The following PTPRD variants were observed in gnomAD, a reference collection of about 807,000 sequenced individuals.
PTPRD encodes receptor-type tyrosine-protein phosphatase delta.
Under a neutral mutation model 214.5 loss-of-function variants are expected in PTPRD, and 34 were observed. The ratio of observed to expected loss-of-function variants is 0.16; its 90% CI spans 0.12 to 0.21. The LOEUF (loss-of-function observed/expected upper bound fraction) is 0.21. PTPRD is among the 10% of genes least tolerant of loss of function. The pLI, the probability that PTPRD is intolerant of heterozygous loss-of-function variation, is 1.00. For missense variants in PTPRD, 2,545 were observed against 2,398.7 expected, an observed-to-expected ratio of 1.06 and a Z score of -1.27; for synonymous variants, 1,128 against 845.7, an observed-to-expected ratio of 1.33 and a Z score of -5.79.
chr9:8,423,263 T>G (rs961653534), intron 35 of PTPRD, among the ~76,000 whole-genome samples: 1 of 152,316 alleles, frequency 6.6e-6, no homozygotes, highest in African/African-American at 2.4e-5. Flanking sequence ...CCTGACATAC[T>G]GTTCATTTTA....
intron 2 of PTPRD, among the ~76,000 whole-genome samples, chr9:10,571,397 C>G (rs1413353053): frequency 6.6e-6 from 1 of 151,944 alleles, no homozygotes; most frequent in Non-Finnish European, 1.5e-5. Flanking sequence ...AGGATAATAC[C>G]TTTATTTCAT....
At chr9:8,454,716 C>G in intron 33 of PTPRD, 2 of 1,011,840 alleles carry the variant, frequency 2.0e-6, no homozygotes, top group Non-Finnish European at 3.0e-6. Flanking sequence ...GGACACATAA[C>G]TGACATACAT....
chr9:8,391,674 C>T (rs767290680), intron 36 of PTPRD, among the ~76,000 whole-genome samples: 2 of 152,134 alleles, frequency 1.3e-5, no homozygotes, highest in Non-Finnish European at 2.9e-5. Flanking sequence ...GGGCCTCACT[C>T]AGCTGCCAAT....
intron 7 of PTPRD, among the ~76,000 whole-genome samples, chr9:9,715,566 T>C (rs1263984506): frequency 6.6e-6 from 1 of 152,142 alleles, no homozygotes; most frequent in Non-Finnish European, 1.5e-5. Context: ...CCTGTTCCAG[T>C]AAAACTGAAA....
At chr9:8,559,321 T>G (rs924275782) in intron 14 of PTPRD, among the ~76,000 whole-genome samples, 1 of 152,212 alleles carries the variant, frequency 6.6e-6, no homozygotes. Flanking sequence ...TATCCTAATT[T>G]TATTGTACAT....
In PTPRD at chr9:9,774,671, A is replaced by G. The variant is rs1010612021; in HGVS notation, c.-367-7820T>C. ...AGCTCTTTAGTTTGAAGGATCCATT[A>G]TACTTTTAAATGTGATGTAGGCATT... On this transcript the variant is annotated intron_variant, in intron 5 of 45. Transcript: ENST00000381196. 3.9e-5 allele frequency among the ~76,000 whole-genome samples: 6 copies of G among 152,218 alleles called. No homozygotes were observed. In the South Asian group the frequency reaches 6.2e-4, roughly 16 times the overall value.
chr9:8,536,631 C>T (rs1343167451), intron 14 of PTPRD, among the ~76,000 whole-genome samples: 1 of 151,940 alleles, frequency 6.6e-6, no homozygotes, highest in African/African-American at 2.4e-5. Flanking sequence ...TAGTACTGTG[C>T]CTATACCTTT....
intron 6 of PTPRD, among the ~76,000 whole-genome samples, chr9:9,740,829 C>T (rs2098390052): frequency 1.3e-5 from 2 of 152,144 alleles, no homozygotes; most frequent in African/African-American, 2.4e-5. Flanking sequence ...GCTACCAGCT[C>T]TTCCAAGGAA....
chr9:9,753,327 A>G (rs968041225), intron 6 of PTPRD, among the ~76,000 whole-genome samples: 1 of 151,992 alleles, frequency 6.6e-6, no homozygotes, highest in African/African-American at 2.4e-5. Context: ...CCTCTGGACA[A>G]CATATCAATT....
intron 31 of PTPRD, among the ~76,000 whole-genome samples, chr9:8,467,319 G>A (rs973049384): frequency 1.1e-4 from 16 of 151,812 alleles, no homozygotes; most frequent in Non-Finnish European, 1.9e-4. Context: ...CAGAAAGGTA[G>A]CACTATCTTT....
chr9:10,271,104 C>G (rs577498566), intron 3 of PTPRD, among the ~76,000 whole-genome samples: 68 of 152,180 alleles, frequency 4.5e-4, no homozygotes, highest in African/African-American at 1.6e-3. Flanking sequence ...AATTACAGAC[C>G]TGAACCATGG....
intron 3 of PTPRD, among the ~76,000 whole-genome samples, chr9:10,266,630 A>G (rs529796577): frequency 6.6e-6 from 1 of 152,182 alleles, no homozygotes; most frequent in African/African-American, 2.4e-5. Flanking sequence ...TGGAAAGTGG[A>G]TAGGAGAGAA....
chr9:8,356,542 T>A (rs192750581), intron 39 of PTPRD, among the ~76,000 whole-genome samples: 1 of 152,196 alleles, frequency 6.6e-6, no homozygotes, highest in Non-Finnish European at 1.5e-5. Flanking sequence ...TCAAAATACA[T>A]TGCAGGTACA....
chr9:9,561,554 C>T (rs1245153432), intron 8 of PTPRD, among the ~76,000 whole-genome samples: 1 of 152,064 alleles, frequency 6.6e-6, no homozygotes, highest in Non-Finnish European at 1.5e-5. Flanking sequence ...TCACAAAGAA[C>T]AAGCAAATGG....
chr9:9,908,618 A>G (rs1005050321), intron 5 of PTPRD, among the ~76,000 whole-genome samples: 1 of 152,022 alleles, frequency 6.6e-6, no homozygotes, highest in Non-Finnish European at 1.5e-5. Flanking sequence ...TTAAAGATTT[A>G]GTTGTCTATG....
At chr9:9,102,204 ATAGCTTT>A (rs1423390447) in intron 10 of PTPRD, among the ~76,000 whole-genome samples, 1 of 152,198 alleles carries the variant, frequency 6.6e-6, no homozygotes, top group Non-Finnish European at 1.5e-5. Flanking sequence ...ATTATTTTTA[ATAGCTTT>A]TCATTTTTGA....
In PTPRD at chr9:10,264,005, T is replaced by A. The variant is rs188249780; in HGVS notation, c.-545+76958A>T. Among the ~76,000 whole-genome samples the A allele has an allele frequency of 7.3e-4, 111 of 152,278 alleles. No homozygotes were observed. In the East Asian group the frequency reaches 0.019, roughly 26 times the overall value. On this transcript the variant is annotated intron_variant, in intron 3 of 45. Transcript: ENST00000381196. ...TTCAGAGGGTGCAAGCCCCAAGGCT[T>A]GGCAGCTTCCACAGGGTGCTGAGCC...
chr9:10,276,803 C>A (rs1318858957), intron 3 of PTPRD, among the ~76,000 whole-genome samples: 1 of 152,154 alleles, frequency 6.6e-6, no homozygotes, highest in Non-Finnish European at 1.5e-5. Flanking sequence ...AGGTCTAATA[C>A]TTTTAGAGGT....
At chr9:9,941,289 G>T (rs1463119665) in intron 4 of PTPRD, among the ~76,000 whole-genome samples, 1 of 152,112 alleles carries the variant, frequency 6.6e-6, no homozygotes, top group Non-Finnish European at 1.5e-5. Flanking sequence ...TCACAGCCAG[G>T]TTCTTAATAT....
Sources: gnomAD v4.1 joint callset for allele counts (sites outside exome capture counted in the v4.1 genomes callset) on GRCh38, gnomAD v4.1.1 for gene constraint, MANE v1.5 for transcripts, NCBI Gene and HGNC (gene_info 2026-07-23, HGNC 2026-07-21) for gene names.